CSMD1: variants seen among roughly 807,000 people sequenced by gnomAD.
CSMD1 encodes CUB and sushi domain-containing protein 1.
A neutral mutation model predicts 417.5 loss-of-function variants in CSMD1; 213 were observed. The observed-to-expected ratio is 0.51, with a 90% CI of 0.46 to 0.57. The LOEUF (loss-of-function observed/expected upper bound fraction) is 0.57. CSMD1 is among the 20% of genes least tolerant of loss of function. CSMD1 has a pLI of 0.00. For missense variants in CSMD1, 6,923 were observed against 4,529.7 expected (o/e 1.53, Z -15.17); for synonymous variants, 2,862 against 1,736.8 (o/e 1.65, Z -16.11).
At chr8:3,478,938 C>G (rs142533799) in intron 11 of CSMD1, among the ~76,000 whole-genome samples, 1 of 151,990 alleles carries the variant, frequency 6.6e-6, no homozygotes, top group East Asian at 1.9e-4. Context: ...GTAGAGTGGG[C>G]GGAATAGGTG....
chr8:3,169,069 C>G (rs1820421219), intron 37 of CSMD1, among the ~76,000 whole-genome samples: 3 of 152,188 alleles, frequency 2.0e-5, no homozygotes, highest in Non-Finnish European at 4.4e-5. Context: ...CTACGTACCA[C>G]CCACCAACAA....
intron 3 of CSMD1, among the ~76,000 whole-genome samples, chr8:4,371,766 A>G (rs746853911): frequency 2.0e-5 from 3 of 152,210 alleles, no homozygotes; most frequent in Non-Finnish European, 4.4e-5. Context: ...ACGGTTACAT[A>G]ATAGACAAAT....
At chr8:4,186,222 G>A (rs1519170) in intron 3 of CSMD1, among the ~76,000 whole-genome samples, 2 of 151,952 alleles carry the variant, frequency 1.3e-5, no homozygotes, top group African/African-American at 2.4e-5. Context: ...AGCTCAGGAC[G>A]GCCAAACTGT....
In CSMD1 at chr8:3,493,250, G is replaced by C. The variant is rs181212736; in HGVS notation, c.1448+373C>G. ...CGGAGGTTGCAGTGAGCCGAGATCT[G>C]ACCACTGCACTGCAGCCTGGGTGAT... On this transcript the variant is annotated intron_variant, in intron 11 of 69. Transcript: ENST00000635120. 2.8e-4 allele frequency among the ~76,000 whole-genome samples: 39 copies of C among 137,330 alleles called. No individual in the cohort carries two copies. In the East Asian group the frequency reaches 5.3e-3, roughly 19 times the overall value. The allele number at this position is 137,330 out of a possible 152,430, so 90.1% of individuals were successfully genotyped here. A position where few individuals can be genotyped will look rare whatever the true frequency, so the allele number is the denominator to read the frequency against.
rs374470537 is a variant in CSMD1 at position 3,106,610 on chromosome 8, C to G, written c.6867G>C (p.Gly2289=). The change falls in exon 46 of 70, where the codon GGG becomes GGC. Residue 2289 remains glycine (G), a synonymous_variant. Coordinates refer to ENST00000635120, the MANE Select transcript of CSMD1 (RefSeq NM_033225.6). ...GDFVKYQCHP[G]YTLVGTDILT... ...GAATGTCGGTCCCCACCAAGGTGTACCCGGGGTGGCACTGGTACTTCACAA... is the reference window on the plus strand; with the variant it reads ...GAATGTCGGTCCCCACCAAGGTGTAGCCGGGGTGGCACTGGTACTTCACAA... 1.1e-5 allele frequency: 17 copies of G among 1,613,352 alleles called. No individual in the cohort carries two copies. Among genetic ancestry groups the G allele is most frequent in the Non-Finnish European group, 1.4e-5 (16 of 1,179,504 alleles).
intron 52 of CSMD1, among the ~76,000 whole-genome samples, chr8:3,015,987 C>T (rs1435564194): frequency 6.6e-6 from 1 of 152,144 alleles, no homozygotes; most frequent in Non-Finnish European, 1.5e-5. Context: ...TTCTAGTTAA[C>T]ACAACACACT....
At chr8:4,633,979 A>G (rs908135727) in intron 2 of CSMD1, among the ~76,000 whole-genome samples, 1 of 148,190 alleles carries the variant, frequency 6.7e-6, no homozygotes, top group Non-Finnish European at 1.5e-5. Context: ...TAAAACAGCA[A>G]CCACCTGACA....
intron 5 of CSMD1, among the ~76,000 whole-genome samples, chr8:3,937,490 G>C (rs1410805050): frequency 1.3e-5 from 2 of 152,092 alleles, no homozygotes; most frequent in African/African-American, 4.8e-5. Flanking sequence ...CCAGCAAAAA[G>C]ATGATGAGTC....
chr8:3,807,022 T>A (rs940887487), intron 5 of CSMD1, among the ~76,000 whole-genome samples: 1 of 152,146 alleles, frequency 6.6e-6, no homozygotes, highest in Non-Finnish European at 1.5e-5. Flanking sequence ...CTAGAAATAT[T>A]GTAACCCAGG....
intron 25 of CSMD1, among the ~76,000 whole-genome samples, chr8:3,287,141 C>A (rs181509251): frequency 6.6e-6 from 1 of 150,938 alleles, no homozygotes; most frequent in East Asian, 2.0e-4. Context: ...TGTAGATATG[C>A]AGCATTATTT....
rs572309283 is a variant in CSMD1, at chr8:3,561,315, G to A, written c.1344+13630C>T. Reference sequence around the variant, plus strand: ...CTCAAAGGAAAGGAAATCATTCTACGAAAAAGACACCCGCACTCCTCTGTT... The same window carrying A: ...CTCAAAGGAAAGGAAATCATTCTACAAAAAAGACACCCGCACTCCTCTGTT... On this transcript the variant is annotated intron_variant, in intron 10 of 69. Coordinates refer to ENST00000635120, the MANE Select transcript of CSMD1 (RefSeq NM_033225.6). Among the ~76,000 whole-genome samples, 143 of 152,230 alleles carry A rather than the reference G, an allele frequency of 9.4e-4. 1 individual carries two copies. The South Asian group carries it at 0.013, about 14-fold the overall frequency.
At position 3,149,893 on chromosome 8, in the gene CSMD1, C is replaced by G. The variant is rs184164369; in HGVS notation, c.6031+1504G>C. ...GTTTGCCTCAGATTTCTCTCATTCT[C>G]TGATGTTAATGACTATAATAATTTG... On this transcript the variant is annotated intron_variant, in intron 40 of 69. Coordinates refer to ENST00000635120, the MANE Select transcript of CSMD1 (RefSeq NM_033225.6). Among the ~76,000 whole-genome samples, 6 of 152,318 alleles carry G rather than the reference C, an allele frequency of 3.9e-5. No homozygotes were observed. The East Asian group carries it at 1.2e-3, about 29-fold the overall frequency.
chr8:3,931,402 C>T lies in CSMD1; in HGVS notation c.818+66501G>A, dbSNP rs1488155846. ...TTGAATGTCACATTCATTCTTTTAC[C>T]CATTCTGGGTATTGTGGAAAAAAAA... On this transcript the variant is annotated intron_variant, in intron 5 of 69. Coordinates refer to ENST00000635120, the MANE Select transcript of CSMD1 (RefSeq NM_033225.6). 2.7e-5 allele frequency among the ~76,000 whole-genome samples: 4 copies of T among 150,360 alleles called. 1 individual carries two copies. Among genetic ancestry groups the T allele is most frequent in the Non-Finnish European group, 5.9e-5 (4 of 67,560 alleles).
At chr8:3,635,514 C>T (rs578155939) in intron 7 of CSMD1, among the ~76,000 whole-genome samples, 7 of 143,724 alleles carry the variant, frequency 4.9e-5, no homozygotes, top group African/African-American at 7.7e-5. Flanking sequence ...GACAGAAACT[C>T]GCTCTGTCAC....
chr8:3,006,849 G>C (rs1011746674), intron 52 of CSMD1, among the ~76,000 whole-genome samples: 12 of 145,598 alleles, frequency 8.2e-5, no homozygotes, highest in African/African-American at 3.1e-4. Flanking sequence ...TTACCATTCA[G>C]GACATAGGCA....
At chr8:4,723,371 C>T (rs934434129) in intron 1 of CSMD1, among the ~76,000 whole-genome samples, 1 of 152,114 alleles carries the variant, frequency 6.6e-6, no homozygotes, top group Non-Finnish European at 1.5e-5. Context: ...TCGCTCAACT[C>T]ATGAAAAACA....
chr8:3,793,018 T>A (rs755097262), intron 5 of CSMD1, among the ~76,000 whole-genome samples: 1 of 152,154 alleles, frequency 6.6e-6, no homozygotes, highest in Non-Finnish European at 1.5e-5. Context: ...CTCACTCTGC[T>A]TAAACTCTGA....
At chr8:3,283,937 C>T (rs530709684) in intron 26 of CSMD1, among the ~76,000 whole-genome samples, 1 of 152,380 alleles carries the variant, frequency 6.6e-6, no homozygotes, top group East Asian at 1.9e-4. Context: ...TTCTCTTAAG[C>T]TGGCTTCTGT....
chr8:3,687,095 A>G (rs1012518495), intron 7 of CSMD1, among the ~76,000 whole-genome samples: 2 of 152,244 alleles, frequency 1.3e-5, no homozygotes, highest in African/African-American at 2.4e-5. Context: ...TGTATGTCCA[A>G]TAAAATGCAG....
Sources: gnomAD v4.1 joint callset for allele counts (sites outside exome capture counted in the v4.1 genomes callset) on GRCh38, gnomAD v4.1.1 for gene constraint, MANE v1.5 for transcripts, NCBI Gene and HGNC (gene_info 2026-07-23, HGNC 2026-07-21) for gene names.